BANK1: variants seen among roughly 807,000 people sequenced by gnomAD.
BANK1 encodes the protein B cell scaffold protein with ankyrin repeats 1, also known as B-cell scaffold protein with ankyrin repeats.
In BANK1, 95 loss-of-function variants were observed where a neutral mutation model predicts 94.5. The ratio of observed to expected loss-of-function variants is 1.00; its 90% CI spans 0.85 to 1.19. The LOEUF (loss-of-function observed/expected upper bound fraction) is 1.19. Among genes scored for constraint, BANK1 ranks in the 50% most tolerant of loss-of-function variants. BANK1 has a pLI of 0.00. For missense variants in BANK1, 987 were observed against 932.2 expected, an observed-to-expected ratio of 1.06 and a Z score of -0.77; for synonymous variants, 334 against 308.4, an observed-to-expected ratio of 1.08 and a Z score of -0.87.
intron 7 of BANK1, among the ~76,000 whole-genome samples, 171 bp downstream of exon 7, chr4:101,918,360 A>T (rs938865203): frequency 6.6e-6 from 1 of 151,976 alleles, no homozygotes; most frequent in African/African-American, 2.4e-5. Flanking sequence ...AAACAATTTG[A>T]TAATAATTCA....
In BANK1 at chr4:102,018,737, AT is replaced by A. The variant is rs199562439; in HGVS notation, c.1207-2771del. On this transcript the variant is annotated intron_variant, in intron 7 of 16. Transcript: ENST00000322953. ...GAGAATCAATGTGTGTGTCAAGATA[AT>A]TTTTTAATCCAATCTCCAAACCCAA... is the stretch of plus-strand genomic sequence containing the variant. Among the ~76,000 whole-genome samples, 1,006 of 151,978 alleles carry A rather than the reference AT, an allele frequency of 6.6e-3. 12 individuals carry two copies. Among genetic ancestry groups the A allele is most frequent in the African/African-American group, 0.023 (936 of 41,454 alleles).
At chr4:101,839,171 G>C (rs1726938285) in intron 2 of BANK1, among the ~76,000 whole-genome samples, 1 of 152,108 alleles carries the variant, frequency 6.6e-6, no homozygotes, top group Non-Finnish European at 1.5e-5. Flanking sequence ...GTTTTCATGA[G>C]TGATTTCAAA....
chr4:101,870,665 AG>A (rs1728252184), intron 5 of BANK1, 21 bp downstream of exon 5: 1 of 1,603,616 alleles, frequency 6.2e-7, no homozygotes. Flanking sequence ...CTTTCCACGA[AG>A]TTAATCATAA....
intron 1 of BANK1, among the ~76,000 whole-genome samples, chr4:101,793,834 G>A (rs982508028): frequency 6.6e-6 from 1 of 152,112 alleles, no homozygotes; most frequent in African/African-American, 2.4e-5. Flanking sequence ...CTTTATACAT[G>A]CTAGTTGTTA....
chr4:102,016,647 A>G (rs773152400), intron 7 of BANK1, among the ~76,000 whole-genome samples: 2 of 151,964 alleles, frequency 1.3e-5, no homozygotes, highest in African/African-American at 2.4e-5. Flanking sequence ...CTGATTAACT[A>G]TTTTCAGGAC....
At chr4:101,910,667 C>T (rs1722633319) in intron 6 of BANK1, among the ~76,000 whole-genome samples, 1 of 142,304 alleles carries the variant, frequency 7.0e-6, no homozygotes, top group Non-Finnish European at 1.5e-5. Flanking sequence ...GCACTCCAGC[C>T]TGGGCGACAG....
At chr4:101,949,770 G>C (rs1186392067) in intron 7 of BANK1, among the ~76,000 whole-genome samples, 1 of 152,054 alleles carries the variant, frequency 6.6e-6, no homozygotes, top group African/African-American at 2.4e-5. Context: ...TAAACGTACA[G>C]GAAAATGTTC....
chr4:102,010,260 A>G (rs902105780), intron 7 of BANK1, among the ~76,000 whole-genome samples: 15 of 152,096 alleles, frequency 9.9e-5, no homozygotes, highest in Non-Finnish European at 1.3e-4. Context: ...GTGAAACTCC[A>G]TCTCAAAAAC....
At chr4:102,017,287 G>T (rs576388950) in intron 7 of BANK1, among the ~76,000 whole-genome samples, 1 of 152,084 alleles carries the variant, frequency 6.6e-6, no homozygotes, top group Non-Finnish European at 1.5e-5. Context: ...CCCAATAAAG[G>T]TGCTGACACC....
chr4:101,920,960 G>A (rs1722981081), intron 7 of BANK1, among the ~76,000 whole-genome samples: 2 of 151,748 alleles, frequency 1.3e-5, no homozygotes, highest in African/African-American at 4.8e-5. Flanking sequence ...GAGGAAGGAG[G>A]GGAGGAAGAG....
Position 101,862,524 on chromosome 4 carries a change from A to G in BANK1, c.625-2A>G. 6.3e-7 allele frequency: 1 copy of G among 1,597,454 alleles called. No homozygotes were observed. Among genetic ancestry groups the G allele is most frequent in the Admixed American group, 1.8e-5 (1 of 56,434 alleles). On this transcript the variant is annotated splice_acceptor_variant, in intron 3 of 16. Transcript: ENST00000322953. LOFTEE classifies it high-confidence loss of function. ...TAAATGGGTTACATTTTCATCTTAC[A>G]GAATCCTGGTGAAATATTCATAATT...
At chr4:101,815,885 T>C (rs567014400) in intron 1 of BANK1, among the ~76,000 whole-genome samples, 45 of 152,184 alleles carry the variant, frequency 3.0e-4, no homozygotes, top group Non-Finnish European at 5.7e-4. Context: ...TTATACACTT[T>C]ACAAACTATT....
At position 102,043,352 on chromosome 4, in the gene BANK1, C is replaced by T. The variant is rs530665254; in HGVS notation, c.1901-487C>T. Among the ~76,000 whole-genome samples, 26 of 152,064 alleles carry T rather than the reference C, an allele frequency of 1.7e-4. 1 individual carries two copies. In the South Asian group the frequency reaches 5.0e-3, roughly 29 times the overall value. On this transcript the variant is annotated intron_variant, in intron 10 of 16. Transcript: ENST00000322953. ...CGAATAAGCTGTTTTAATAAGTCTG[C>T]GGTCTAGATAGATGATGCAAGAATA...
At chr4:101,845,122 A>G (rs868354993) in intron 2 of BANK1, among the ~76,000 whole-genome samples, 1 of 152,142 alleles carries the variant, frequency 6.6e-6, no homozygotes, top group Non-Finnish European at 1.5e-5. Context: ...TTACCTAGTC[A>G]TATGAAAATA....
At chr4:101,920,349 A>T (rs997869882) in intron 7 of BANK1, among the ~76,000 whole-genome samples, 3 of 151,994 alleles carry the variant, frequency 2.0e-5, no homozygotes, top group Non-Finnish European at 4.4e-5. Context: ...GTGCACATGT[A>T]CCCTAGAACT....
chr4:101,921,603 A>G (rs1330210115), intron 7 of BANK1, among the ~76,000 whole-genome samples: 1 of 151,944 alleles, frequency 6.6e-6, no homozygotes, highest in Non-Finnish European at 1.5e-5. Flanking sequence ...CCATCCGTTT[A>G]GAACCCTTAA....
intron 2 of BANK1, among the ~76,000 whole-genome samples, chr4:101,850,020 C>T (rs1240945559): frequency 6.6e-6 from 1 of 152,158 alleles, no homozygotes; most frequent in African/African-American, 2.4e-5. Flanking sequence ...GTTTCTCACT[C>T]ACAGAATATA....
chr4:101,911,402 A>G (rs1331450737), intron 6 of BANK1, among the ~76,000 whole-genome samples: 3 of 152,204 alleles, frequency 2.0e-5, no homozygotes, highest in Non-Finnish European at 4.4e-5. Flanking sequence ...TACTCTTTTC[A>G]TTATTTTTGC....
intron 6 of BANK1, among the ~76,000 whole-genome samples, chr4:101,904,484 G>C (rs1377316467): frequency 1.3e-5 from 2 of 152,176 alleles, no homozygotes; most frequent in African/African-American, 4.8e-5. Flanking sequence ...CCATTTTAAA[G>C]GTATAGGTTC....
Sources: allele counts gnomAD v4.1 joint callset (sites outside exome capture counted in the v4.1 genomes callset), GRCh38; gene constraint gnomAD v4.1.1; transcripts MANE v1.5; gene names NCBI Gene and HGNC (gene_info 2026-07-23, HGNC 2026-07-21).